Variants in BANP observed in about 807,000 individuals in gnomAD.
BANP encodes protein BANP.
A neutral mutation model predicts 68.1 loss-of-function variants in BANP; 11 were observed. The ratio of observed to expected loss-of-function variants is 0.16; its 90% confidence interval spans 0.10 to 0.27. The LOEUF is 0.27. BANP is among the 10% of genes least tolerant of loss of function. The pLI is 1.00. For synonymous variants in BANP, 329 were observed against 303.2 expected (o/e 1.09, Z -0.88); for missense variants, 504 against 722.7 (o/e 0.70, Z 3.47).
At chr16:88,023,433 G>A (rs2076383206) in intron 7 of BANP, among the ~76,000 whole-genome samples, 1 of 150,524 alleles carries the variant, frequency 6.6e-6, no homozygotes, top group Non-Finnish European at 1.5e-5. Flanking sequence ...TCCCCCGGGA[G>A]GGAGCATGTC....
rs527253563 is a variant in BANP, at chr16:87,966,186, C to T, written c.-68-8862C>T. On this transcript the variant is annotated intron_variant, in intron 1 of 13. Transcript: ENST00000682872. ...ATGTGAATGACTTGGTGGTGTCTGGCAATCTGGATGGGCGTGGATTCTTCA... is the reference window on the plus strand; with the variant it reads ...ATGTGAATGACTTGGTGGTGTCTGGTAATCTGGATGGGCGTGGATTCTTCA... 1.3e-4 allele frequency among the ~76,000 whole-genome samples: 20 copies of T among 152,298 alleles called. No homozygotes were observed. The South Asian group carries it at 3.7e-3, about 28-fold the overall frequency.
At chr16:87,955,998 C>G (rs967640857) in intron 1 of BANP, among the ~76,000 whole-genome samples, 1 of 152,188 alleles carries the variant, frequency 6.6e-6, no homozygotes, top group Non-Finnish European at 1.5e-5. Context: ...ACACGGAAGG[C>G]CTTCCCACAA....
chr16:87,999,352 T>C (rs2068422387), intron 4 of BANP, among the ~76,000 whole-genome samples: 1 of 147,740 alleles, frequency 6.8e-6, no homozygotes. Flanking sequence ...GCGGCTGTAC[T>C]TACCTGTCCT....
chr16:88,046,646 G>A (rs1297193316), intron 11 of BANP, among the ~76,000 whole-genome samples: 3 of 151,862 alleles, frequency 2.0e-5, no homozygotes, highest in Non-Finnish European at 4.4e-5. Context: ...CCCAGGTTCA[G>A]GCGATTCTCC....
intron 11 of BANP, among the ~76,000 whole-genome samples, chr16:88,048,063 C>T (rs1254729390): frequency 6.6e-6 from 1 of 152,224 alleles, no homozygotes; most frequent in Non-Finnish European, 1.5e-5. Context: ...CTGCTGGGCC[C>T]TCTGACTTGT....
intron 4 of BANP, among the ~76,000 whole-genome samples, chr16:87,995,904 C>T (rs555554905): frequency 9.8e-5 from 15 of 152,336 alleles, no homozygotes; most frequent in Admixed American, 5.9e-4. Flanking sequence ...GGGGTTCCTG[C>T]GGTGCCCGGG....
chr16:88,019,732 G>T (rs1006285776), intron 7 of BANP, among the ~76,000 whole-genome samples: 4 of 151,396 alleles, frequency 2.6e-5, no homozygotes, highest in Non-Finnish European at 5.9e-5. Context: ...CGGGATCTCA[G>T]CGTGCAGGGC....
At chr16:88,008,987 C>G (rs2072158547) in intron 6 of BANP, among the ~76,000 whole-genome samples, 1 of 152,228 alleles carries the variant, frequency 6.6e-6, no homozygotes, top group South Asian at 2.1e-4. Flanking sequence ...ATGAAAATAT[C>G]TGCTTGAGCT....
rs1176168864 is a variant in BANP at position 88,003,842 on chromosome 16, T to TA, written c.363-452dup. 8 of 300,932 alleles carry TA rather than the reference T, an allele frequency of 2.7e-5. No individual in the cohort carries two copies. The highest frequency in any genetic ancestry group is 5.2e-5 in the Non-Finnish European group (8 of 154,580). 18.6% of individuals were successfully genotyped at this position (300,932 alleles called of 1,614,324 possible). On this transcript the variant is annotated intron_variant, in intron 4 of 13. Transcript: ENST00000682872. The surrounding 1 kb of genome is among the most constrained non-coding windows in gnomAD (Gnocchi z 6.1). Reference sequence around the variant, plus strand: ...ACCGTTTTGGAATGATACCAACACTTACGTGGTTACGAACGTTAGATCTGT... The same window carrying TA: ...ACCGTTTTGGAATGATACCAACACTTAACGTGGTTACGAACGTTAGATCTGT...
At chr16:87,967,322 C>T (rs1379433507) in intron 1 of BANP, among the ~76,000 whole-genome samples, 2 of 147,470 alleles carry the variant, frequency 1.4e-5, no homozygotes, top group Admixed American at 6.9e-5. Context: ...TTAGCCAGGC[C>T]GCTCTCCAAC....
At chr16:87,991,919 A>G (rs2065974054) in intron 4 of BANP, among the ~76,000 whole-genome samples, 1 of 152,168 alleles carries the variant, frequency 6.6e-6, no homozygotes, top group South Asian at 2.1e-4. Flanking sequence ...CTTTATAAAA[A>G]TATTTTTGCC....
intron 1 of BANP, among the ~76,000 whole-genome samples, chr16:87,963,981 C>G (rs916613621): frequency 1.3e-5 from 2 of 152,116 alleles, no homozygotes; most frequent in Non-Finnish European, 2.9e-5. Flanking sequence ...TGCAGCTGTC[C>G]GTTTCTCCTG....
intron 6 of BANP, among the ~76,000 whole-genome samples, chr16:88,016,763 C>G (rs957347997): frequency 3.9e-5 from 6 of 152,198 alleles, no homozygotes; most frequent in Non-Finnish European, 8.8e-5. Context: ...TAGTGGCCGA[C>G]CGACGGATGT....
At chr16:88,037,213 A>G (rs1252972595) in intron 10 of BANP, 1 of 152,170 alleles carries the variant, frequency 6.6e-6, no homozygotes, top group Non-Finnish European at 1.5e-5. Flanking sequence ...AATCTTGACT[A>G]CTCGAATTTC....
intron 8 of BANP, among the ~76,000 whole-genome samples, chr16:88,032,162 T>A (rs540487585): frequency 4.3e-4 from 66 of 151,874 alleles, no homozygotes; most frequent in Non-Finnish European, 6.8e-4. Flanking sequence ...TTCATTCATA[T>A]CAACATTCTA....
intron 8 of BANP, among the ~76,000 whole-genome samples, 159 bp downstream of exon 8, chr16:88,027,809 G>C (rs1472844220): frequency 6.6e-6 from 1 of 152,262 alleles, no homozygotes; most frequent in Non-Finnish European, 1.5e-5. Context: ...GGAGCCGCAG[G>C]ACCTGTGCCT....
chr16:88,010,914 G>GCATTTAGCTACAAACATGCCTCAAA (rs11271660), intron 6 of BANP, among the ~76,000 whole-genome samples: 3 of 151,776 alleles, frequency 2.0e-5, no homozygotes, highest in East Asian at 1.9e-4. Flanking sequence ...GGAAAGGAGA[G>GCATTTAGCTACAAACATGCCTCAAA]CATTTATTTA....
chr16:87,990,102 A>G (rs1185544680), intron 4 of BANP, among the ~76,000 whole-genome samples: 6 of 152,268 alleles, frequency 3.9e-5, no homozygotes, highest in Non-Finnish European at 8.8e-5. Flanking sequence ...TTAACTGAAC[A>G]TACTGACTCG....
rs547107323 is a variant in BANP at position 88,003,433 on chromosome 16, C to T, written c.363-862C>T. The T allele has an allele frequency of 3.7e-5, 17 of 456,040 alleles. No homozygotes were observed. The highest frequency in any genetic ancestry group is 6.2e-5 in the Non-Finnish European group (14 of 226,878). 28.2% of individuals were successfully genotyped at this position (456,040 alleles called of 1,614,324 possible). A position where few individuals can be genotyped will look rare whatever the true frequency, so the allele number is the denominator to read the frequency against. Reference sequence around the variant, plus strand: ...AAATCCAAGAATGGAGTTTTATTGTCAGGTGATAATCACGTTGTGTTTCTA... The same window carrying T: ...AAATCCAAGAATGGAGTTTTATTGTTAGGTGATAATCACGTTGTGTTTCTA... On this transcript the variant is annotated intron_variant, in intron 4 of 13. Coordinates refer to ENST00000682872, the MANE Select transcript of BANP (RefSeq NM_001386991.1). The surrounding 1 kb of genome is among the most constrained non-coding windows in gnomAD (Gnocchi z 6.1).
Sources: gnomAD v4.1 joint callset for allele counts (sites outside exome capture counted in the v4.1 genomes callset) on GRCh38, gnomAD v4.1.1 for gene constraint, Gnocchi (gnomAD v3.1) non-coding constraint, MANE v1.5 for transcripts, NCBI Gene and HGNC (gene_info 2026-07-23, HGNC 2026-07-21) for gene names.